CAV1: variants seen among roughly 807,000 people sequenced by gnomAD.
The protein encoded by CAV1 is caveolin-1.
In CAV1, 10 loss-of-function variants were observed where a neutral mutation model predicts 16.5. That is an observed-to-expected ratio of 0.61 (90% CI 0.37 to 1.03). The LOEUF (loss-of-function observed/expected upper bound fraction) is 1.03. Ranked by LOEUF, CAV1 falls within the 50% of genes least tolerant of loss-of-function variation. The probability of loss-of-function intolerance (pLI) is 0.01; values close to 1 mark genes in which losing one functional copy is unlikely to be tolerated. For missense variants in CAV1, 212 were observed against 232.8 expected (o/e 0.91, Z 0.58); for synonymous variants, 76 against 85.1 (o/e 0.89, Z 0.59).
intron 2 of CAV1, among the ~76,000 whole-genome samples, chr7:116,534,700 C>T (rs2115979982): frequency 6.6e-6 from 1 of 151,808 alleles, no homozygotes; most frequent in African/African-American, 2.4e-5. Flanking sequence ...GCACCCGGCC[C>T]AGATATATTA....
chr7:116,560,015 C>G lies in CAV1; in HGVS notation c.*728C>G. On this transcript the variant is annotated 3_prime_UTR_variant, in exon 3 of 3. Coordinates refer to ENST00000341049, the MANE Select transcript of CAV1 (RefSeq NM_001753.5). ...GCAACTCGCTTTAGGTCAGCAGCCTCCCTGAAGACCAAAATTAGAATATCC... is the reference window on the plus strand; with the variant it reads ...GCAACTCGCTTTAGGTCAGCAGCCTGCCTGAAGACCAAAATTAGAATATCC... 1 of 395,784 alleles carries G rather than the reference C, an allele frequency of 2.5e-6. No homozygotes were observed. The highest frequency in any genetic ancestry group is 4.5e-6 in the Non-Finnish European group (1 of 224,500). The allele number at this position is 395,784 out of a possible 1,614,324, so 24.5% of individuals were successfully genotyped here. A position where few individuals can be genotyped will look rare whatever the true frequency, so the allele number is the denominator to read the frequency against.
chr7:116,529,478 A>G (rs1263248621), intron 2 of CAV1, among the ~76,000 whole-genome samples: 1 of 152,228 alleles, frequency 6.6e-6, no homozygotes, highest in African/African-American at 2.4e-5. Context: ...CAGACATAGA[A>G]CATTTCCATC....
chr7:116,556,396 C>A (rs79000870), intron 2 of CAV1, among the ~76,000 whole-genome samples: 7 of 152,130 alleles, frequency 4.6e-5, no homozygotes, highest in African/African-American at 1.4e-4. Flanking sequence ...AAATAGCATA[C>A]TCACCTTAGA....
At chr7:116,555,605 A>AAAGAAAGG (rs1794277163) in intron 2 of CAV1, among the ~76,000 whole-genome samples, 3 of 87,266 alleles carry the variant, frequency 3.4e-5, no homozygotes, top group African/African-American at 1.5e-4. Context: ...AGAAAGAAAG[A>AAAGAAAGG]GAAAGAAAGA....
intron 2 of CAV1, among the ~76,000 whole-genome samples, chr7:116,556,183 G>A (rs1000280802): frequency 6.6e-6 from 1 of 152,066 alleles, no homozygotes; most frequent in Non-Finnish European, 1.5e-5. Flanking sequence ...TGTATTCATT[G>A]AAAAATAATT....
chr7:116,544,452 C>CCA (rs1304235805), intron 2 of CAV1, among the ~76,000 whole-genome samples: 2 of 151,914 alleles, frequency 1.3e-5, no homozygotes, highest in South Asian at 4.2e-4. Flanking sequence ...GAAATAATAA[C>CCA]CACACACACA....
chr7:116,543,628 G>T (rs1457596281), intron 2 of CAV1, among the ~76,000 whole-genome samples: 2 of 152,116 alleles, frequency 1.3e-5, no homozygotes, highest in African/African-American at 4.8e-5. Flanking sequence ...TTGTTTTTTT[G>T]TTTTGTTTTG....
chr7:116,548,901 G>T (rs1220823420), intron 2 of CAV1, among the ~76,000 whole-genome samples: 1 of 152,104 alleles, frequency 6.6e-6, no homozygotes, highest in Non-Finnish European at 1.5e-5. Flanking sequence ...GCCCGTAAAA[G>T]GCTCTTGCCT....
In CAV1 at chr7:116,526,771, G is replaced by A. The variant is rs959335390; in HGVS notation, c.195+82G>A. 15 of 1,493,392 alleles carry A rather than the reference G, an allele frequency of 1.0e-5. No individual in the cohort carries two copies. In the East Asian group the frequency reaches 3.0e-4, roughly 30 times the overall value. 92.5% of individuals were successfully genotyped at this position (1,493,392 alleles called of 1,614,324 possible). A position where few individuals can be genotyped will look rare whatever the true frequency, so the allele number is the denominator to read the frequency against. On this transcript the variant is annotated intron_variant, in intron 2 of 2. Coordinates refer to ENST00000341049, the MANE Select transcript of CAV1 (RefSeq NM_001753.5). The stretch of plus-strand genomic sequence containing the variant: ...CCGTGCATCCTTCTTTAGCATTGCC[G>A]TGTACGCACACCCCACCCCGCCCCC...
At chr7:116,553,069 G>C (rs967211986) in intron 2 of CAV1, among the ~76,000 whole-genome samples, 1 of 152,166 alleles carries the variant, frequency 6.6e-6, no homozygotes, top group African/African-American at 2.4e-5. Context: ...AATAGAAACA[G>C]AATGTGTAAG....
chr7:116,542,870 G>A (rs1009256494), intron 2 of CAV1: 1 of 152,116 alleles, frequency 6.6e-6, no homozygotes, highest in African/African-American at 2.4e-5. Flanking sequence ...ACATGCACTA[G>A]TTTTTTTCGA....
At chr7:116,526,237 G>A (rs1584766232) in intron 1 of CAV1, 2 of 1,084,538 alleles carry the variant, frequency 1.8e-6, no homozygotes, top group Admixed American at 5.4e-5. Context: ...TTCGGACCGC[G>A]CGGCGGGGCC....
At chr7:116,534,395 A>ATATATTT (rs1442237865) in intron 2 of CAV1, among the ~76,000 whole-genome samples, 1 of 7,840 alleles carries the variant, frequency 1.3e-4, no homozygotes, top group Non-Finnish European at 2.6e-4. Context: ...ATATATATAT[A>ATATATTT]TTTTTTTTTT....
chr7:116,541,417 A>G (rs1399102515), intron 2 of CAV1, among the ~76,000 whole-genome samples: 1 of 152,204 alleles, frequency 6.6e-6, no homozygotes, highest in Non-Finnish European at 1.5e-5. Context: ...AAGATAAGAA[A>G]TAATAGGAAA....
At chr7:116,525,624 G>A in intron 1 of CAV1, 1 of 1,131,856 alleles carries the variant, frequency 8.8e-7, no homozygotes. Flanking sequence ...TTGGCGTCTG[G>A]CAGGGGTGTT....
rs773549338 is a variant in CAV1 at position 116,526,535 on chromosome 7, A to C, written c.41A>C (p.Tyr14Ser). 6.2e-7 allele frequency: 1 copy of C among 1,613,884 alleles called. No individual in the cohort carries two copies. Among genetic ancestry groups the C allele is most frequent in the Non-Finnish European group, 8.5e-7 (1 of 1,179,988 alleles). Reference sequence around the variant, plus strand: ...CTCCGCCCTCTGCAGGGACATCTCTACACCGTTCCCATCCGGGAACAGGGC... The same window carrying C: ...CTCCGCCCTCTGCAGGGACATCTCTCCACCGTTCCCATCCGGGAACAGGGC... The part of the protein sequence containing the change: ...GKYVDSEGHL[Y>S]TVPIREQGNI... The change falls in exon 2 of 3, where the codon TAC becomes TCC. Residue 14 changes from tyrosine (Y) to serine (S), a missense_variant. Physicochemically the swap from Tyr to Ser is moderately radical, Grantham distance 144. Coordinates refer to ENST00000341049, the MANE Select transcript of CAV1 (RefSeq NM_001753.5).
intron 1 of CAV1, 39 bp downstream of exon 1, chr7:116,525,131 G>T: frequency 6.2e-7 from 1 of 1,614,158 alleles, no homozygotes; most frequent in Non-Finnish European, 8.5e-7. Flanking sequence ...GGGCGTGCGG[G>T]GAGTGTCCGC....
At chr7:116,552,630 T>C (rs953337154) in intron 2 of CAV1, among the ~76,000 whole-genome samples, 4 of 152,180 alleles carry the variant, frequency 2.6e-5, no homozygotes, top group African/African-American at 7.2e-5. Context: ...TAATCATGCA[T>C]GTCACCTCAC....
chr7:116,532,418 A>T (rs1183555031), intron 2 of CAV1, among the ~76,000 whole-genome samples: 2 of 152,232 alleles, frequency 1.3e-5, no homozygotes, highest in East Asian at 3.8e-4. Context: ...GGACAGGGCT[A>T]TGTGCGCTCA....
Sources: gnomAD v4.1 joint callset for allele counts (sites outside exome capture counted in the v4.1 genomes callset) on GRCh38, gnomAD v4.1.1 for gene constraint, MANE v1.5 for transcripts, NCBI Gene and HGNC (gene_info 2026-07-23, HGNC 2026-07-21) for gene names.